Variants in PAQR5 observed in about 807,000 individuals in gnomAD.
PAQR5 encodes membrane progestin receptor gamma.
PAQR5 carries 20 observed loss-of-function variants against 34.5 expected under a neutral mutation model. That is an observed-to-expected ratio of 0.58 (90% CI 0.41 to 0.84). The LOEUF is 0.84. Ranked by LOEUF, PAQR5 falls within the 40% of genes least tolerant of loss-of-function variation. The probability of loss-of-function intolerance (pLI) is 0.00; values close to 1 mark genes in which losing one functional copy is unlikely to be tolerated. For synonymous variants in PAQR5, 131 were observed against 155.6 expected (o/e 0.84, Z 1.18); for missense variants, 378 against 412.7 (o/e 0.92, Z 0.73).
In PAQR5 at chr15:69,397,511, G is replaced by A; in HGVS notation, c.556G>A (p.Val186Ile). Residue 186 changes from valine (V) to isoleucine (I), a missense_variant, in exon 7 of 9, where the codon GTC becomes ATC. Transcript: ENST00000395407. ...QKPRLCKVIR[V>I]LAFAYPYTWD... ...GCCCAGACTCTGTAAGGTGATTCGT[G>A]TCCTCGCCTTTGCTTATCCGTACAC... is the stretch of plus-strand genomic sequence containing the variant. The A allele has an allele frequency of 6.2e-7, 1 of 1,613,958 alleles. No homozygotes were observed. Among genetic ancestry groups the A allele is most frequent in the Non-Finnish European group, 8.5e-7 (1 of 1,179,824 alleles).
intron 1 of PAQR5, among the ~76,000 whole-genome samples, chr15:69,304,538 A>T (rs956970964): frequency 2.0e-5 from 3 of 152,298 alleles, no homozygotes; most frequent in African/African-American, 7.2e-5. Flanking sequence ...CTAGGAAAAA[A>T]GATAGTGCCC....
intron 3 of PAQR5, among the ~76,000 whole-genome samples, chr15:69,367,262 C>T (rs1178639485): frequency 1.3e-5 from 2 of 152,032 alleles, no homozygotes; most frequent in East Asian, 1.9e-4. Flanking sequence ...TTGAGTTTTA[C>T]ATTTCTCTTT....
At chr15:69,397,867 G>A (rs1341279645) in intron 7 of PAQR5, 2 of 401,244 alleles carry the variant, frequency 5.0e-6, no homozygotes, top group Non-Finnish European at 9.1e-6. Flanking sequence ...CCCACACCCA[G>A]GTGCTGCCTT....
At chr15:69,331,889 G>A (rs1301075568) in intron 1 of PAQR5, among the ~76,000 whole-genome samples, 3 of 152,168 alleles carry the variant, frequency 2.0e-5, no homozygotes, top group African/African-American at 7.2e-5. Flanking sequence ...TCTTGCCTAT[G>A]GTTCCATAAA....
chr15:69,341,348 T>C (rs1482831392), intron 2 of PAQR5, among the ~76,000 whole-genome samples: 1 of 115,618 alleles, frequency 8.6e-6, no homozygotes, highest in Non-Finnish European at 1.8e-5. Context: ...ATTAGAATTC[T>C]ATTCCTTTTT....
rs150330121 is a variant in PAQR5 at position 69,403,745 on chromosome 15, A to G, written c.916A>G (p.Ser306Gly). 3 of 1,614,052 alleles carry G rather than the reference A, an allele frequency of 1.9e-6. No homozygotes were observed. The African/African-American group carries it at 4.0e-5, about 22-fold the overall frequency. The change falls in exon 9 of 9, where the codon AGC (serine) becomes GGC (glycine). Residue 306 changes from serine to glycine, a missense_variant. Physicochemically the swap from Ser to Gly is moderately conservative, Grantham distance 56. Coordinates refer to ENST00000395407, the MANE Select transcript of PAQR5 (RefSeq NM_017705.4). Reference sequence around the variant, plus strand: ...AGCCATACTTCTGTGCATCATCTTCAGCCTCAGCAACATAATTTATTTCTC... The same window carrying G: ...AGCCATACTTCTGTGCATCATCTTCGGCCTCAGCAACATAATTTATTTCTC... ...AGAILLCIIF[S>G]LSNIIYFSAA...
intron 2 of PAQR5, among the ~76,000 whole-genome samples, chr15:69,355,954 T>C (rs1288163226): frequency 6.6e-6 from 1 of 152,192 alleles, no homozygotes; most frequent in Non-Finnish European, 1.5e-5. Context: ...TTATCCTTTC[T>C]TTCTTAAGCT....
intron 1 of PAQR5, among the ~76,000 whole-genome samples, chr15:69,321,553 C>A (rs2054096979): frequency 6.6e-6 from 1 of 152,176 alleles, no homozygotes; most frequent in Non-Finnish European, 1.5e-5. Flanking sequence ...CATAAAAGAG[C>A]AAATGTTGAC....
intron 6 of PAQR5, among the ~76,000 whole-genome samples, chr15:69,396,387 A>G (rs564657275): frequency 6.6e-6 from 1 of 152,016 alleles, no homozygotes; most frequent in Non-Finnish European, 1.5e-5. Context: ...AGGGGGCAGA[A>G]CTGTCAGCAA....
At chr15:69,299,566 G>C (rs1256686465) in intron 1 of PAQR5, among the ~76,000 whole-genome samples, 1 of 152,208 alleles carries the variant, frequency 6.6e-6, no homozygotes, top group Non-Finnish European at 1.5e-5. Flanking sequence ...GGTCGTCCCG[G>C]CCCTGTTGAA....
chr15:69,314,975 G>A (rs2053913794), intron 1 of PAQR5, among the ~76,000 whole-genome samples: 1 of 152,146 alleles, frequency 6.6e-6, no homozygotes, highest in East Asian at 1.9e-4. Flanking sequence ...GCCTGCTGGT[G>A]CCGGGCACTC....
At chr15:69,340,363 C>T (rs887747248) in intron 2 of PAQR5, among the ~76,000 whole-genome samples, 5 of 152,146 alleles carry the variant, frequency 3.3e-5, no homozygotes, top group Non-Finnish European at 7.4e-5. Flanking sequence ...CTTTTCCATA[C>T]GATTCTATCT....
chr15:69,397,855 C>T, intron 7 of PAQR5: 2 of 428,278 alleles, frequency 4.7e-6, no homozygotes, highest in Non-Finnish European at 8.5e-6. Context: ...ATCTTTCTTT[C>T]CCCCACACCC....
At chr15:69,335,169 A>C (rs1470005213) in intron 1 of PAQR5, among the ~76,000 whole-genome samples, 1 of 151,004 alleles carries the variant, frequency 6.6e-6, no homozygotes, top group Non-Finnish European at 1.5e-5. Flanking sequence ...GGTTGTAGTG[A>C]GTCAAGATTG....
In PAQR5 at chr15:69,315,423, C is replaced by T. The variant is rs539213657; in HGVS notation, c.-277+16367C>T. Among the ~76,000 whole-genome samples, 65 of 152,336 alleles carry T rather than the reference C, an allele frequency of 4.3e-4. 1 individual carries two copies. Among genetic ancestry groups the T allele is most frequent in the African/African-American group, 1.5e-3 (63 of 41,584 alleles). ...TCCCCAAAGCATCAGCATGTCTTCG[C>T]GTTTTCCAGCATCCTTGAAGACCCA... On this transcript the variant is annotated intron_variant, in intron 1 of 8. Transcript: ENST00000395407.
At chr15:69,354,891 G>GTCA (rs1467703342) in intron 2 of PAQR5, among the ~76,000 whole-genome samples, 1 of 152,154 alleles carries the variant, frequency 6.6e-6, no homozygotes, top group African/African-American at 2.4e-5. Flanking sequence ...CTGGAGCTGG[G>GTCA]TCACCCTTCT....
intron 2 of PAQR5, among the ~76,000 whole-genome samples, chr15:69,339,432 C>T (rs1306996427): frequency 6.6e-6 from 1 of 152,130 alleles, no homozygotes. Context: ...AGTCCCCCCA[C>T]AACAATCTTT....
At chr15:69,307,719 A>G (rs2053749505) in intron 1 of PAQR5, among the ~76,000 whole-genome samples, 1 of 152,182 alleles carries the variant, frequency 6.6e-6, no homozygotes, top group African/African-American at 2.4e-5. Context: ...GTTGGGAGGG[A>G]TGTCCCAGGT....
chr15:69,380,282 A>G (rs568474430), intron 4 of PAQR5: 259 of 367,952 alleles, frequency 7.0e-4, no homozygotes, highest in Non-Finnish European at 9.0e-4. Flanking sequence ...GGTGCCTGAT[A>G]TGATAGCATT....
Sources: gnomAD v4.1 joint callset for allele counts (sites outside exome capture counted in the v4.1 genomes callset) on GRCh38, gnomAD v4.1.1 for gene constraint, MANE v1.5 for transcripts, NCBI Gene and HGNC (gene_info 2026-07-23, HGNC 2026-07-21) for gene names.